SKAP1: variants seen among roughly 807,000 people sequenced by gnomAD.
The protein encoded by SKAP1 is src kinase-associated phosphoprotein 1.
A neutral mutation model predicts 58.5 loss-of-function variants in SKAP1; 44 were observed. The observed-to-expected ratio is 0.75, with a 90% CI of 0.59 to 0.97. The LOEUF is 0.97. Ranked by LOEUF, SKAP1 falls within the 50% of genes least tolerant of loss-of-function variation. The probability of loss-of-function intolerance (pLI) is 0.00; values close to 1 mark genes in which losing one functional copy is unlikely to be tolerated. For synonymous variants in SKAP1, 127 were observed against 149.7 expected (o/e 0.85, Z 1.11); for missense variants, 390 against 435.2 (o/e 0.90, Z 0.92).
At chr17:48,426,358 G>T (rs947323507) in intron 1 of SKAP1, among the ~76,000 whole-genome samples, 5 of 152,212 alleles carry the variant, frequency 3.3e-5, no homozygotes, top group African/African-American at 1.2e-4. Flanking sequence ...CATGTAGGCA[G>T]TTGGGACCTA....
chr17:48,375,325 CCCA>C (rs56252851), intron 2 of SKAP1, among the ~76,000 whole-genome samples: 32,073 of 151,872 alleles, frequency 0.21, 3,364 homozygotes, highest in Admixed American at 0.22. Flanking sequence ...CACCTGCTCC[CCCA>C]CCACAATTTT....
chr17:48,306,273 A>AT (rs939153838), intron 4 of SKAP1, among the ~76,000 whole-genome samples: 10 of 151,922 alleles, frequency 6.6e-5, no homozygotes, highest in African/African-American at 2.4e-4. Flanking sequence ...TTCTCTGGTC[A>AT]TTTTTTTTCT....
intron 11 of SKAP1, among the ~76,000 whole-genome samples, chr17:48,138,236 G>T (rs558064978): frequency 4.6e-5 from 7 of 151,182 alleles, no homozygotes; most frequent in East Asian, 2.0e-4. Context: ...ACGGAGTCTC[G>T]CACTGTCGCC....
chr17:48,340,121 A>G (rs182072186), intron 4 of SKAP1, among the ~76,000 whole-genome samples: 5 of 152,304 alleles, frequency 3.3e-5, no homozygotes, highest in African/African-American at 9.6e-5. Flanking sequence ...TGGAGGTTGC[A>G]GTGGGCTGAG....
At chr17:48,140,222 A>G (rs2063751749) in intron 11 of SKAP1, among the ~76,000 whole-genome samples, 1 of 152,198 alleles carries the variant, frequency 6.6e-6, no homozygotes, top group South Asian at 2.1e-4. Flanking sequence ...GCATTGCTCA[A>G]ATTCCCTGAG....
chr17:48,346,623 T>TAA (rs113152631), intron 3 of SKAP1, among the ~76,000 whole-genome samples: 4 of 144,440 alleles, frequency 2.8e-5, no homozygotes, highest in African/African-American at 1.0e-4. Flanking sequence ...AGACTCCATC[T>TAA]AAAAAAAAAA....
Position 48,296,626 on chromosome 17 carries a change from G to A in SKAP1, c.280+49279C>T, listed in dbSNP as rs550071743. Among the ~76,000 whole-genome samples the A allele has an allele frequency of 2.6e-5, 4 of 152,192 alleles. No individual in the cohort carries two copies. The East Asian group carries it at 7.7e-4, about 29-fold the overall frequency. ...TAGCATTTGAACTATTCAGTTAAGT[G>A]GTAAGTTTTTGTTCAAATCCTGCTG... is the stretch of plus-strand genomic sequence containing the variant. On this transcript the variant is annotated intron_variant, in intron 4 of 12. Coordinates refer to ENST00000336915, the MANE Select transcript of SKAP1 (RefSeq NM_003726.4).
intron 1 of SKAP1, among the ~76,000 whole-genome samples, chr17:48,402,086 C>T (rs1173670053): frequency 6.6e-6 from 1 of 152,118 alleles, no homozygotes; most frequent in Non-Finnish European, 1.5e-5. Flanking sequence ...ACTTCACACC[C>T]ACTAGAATGG....
chr17:48,293,361 T>A (rs2065922710), intron 4 of SKAP1, among the ~76,000 whole-genome samples: 1 of 152,232 alleles, frequency 6.6e-6, no homozygotes, highest in African/African-American at 2.4e-5. Flanking sequence ...TTATCAGGAA[T>A]AATACATGTG....
rs1478109397 is a variant in SKAP1 at position 48,363,828 on chromosome 17, G to A, written c.153-14C>T. ...TCCCAATAGTACCTGAAATACAAGGGGGAAAAAAAAAGGGAATAAGTCAAA... is the reference window on the plus strand; with the variant it reads ...TCCCAATAGTACCTGAAATACAAGGAGGAAAAAAAAAGGGAATAAGTCAAA... On this transcript the variant is annotated splice_polypyrimidine_tract_variant and intron_variant, in intron 2 of 12. Transcript: ENST00000336915. The A allele has an allele frequency of 6.3e-7, 1 of 1,599,432 alleles. No individual in the cohort carries two copies.
At chr17:48,412,542 T>C (rs1480440872) in intron 1 of SKAP1, among the ~76,000 whole-genome samples, 3 of 152,184 alleles carry the variant, frequency 2.0e-5, no homozygotes, top group African/African-American at 7.2e-5. Context: ...AGCCCCCTGG[T>C]CAGAGATCAA....
At chr17:48,231,561 C>A (rs1209504278) in intron 4 of SKAP1, among the ~76,000 whole-genome samples, 1 of 150,956 alleles carries the variant, frequency 6.6e-6, no homozygotes, top group Non-Finnish European at 1.5e-5. Context: ...AAAAAGAAAG[C>A]AAGGAATTTT....
At chr17:48,417,020 A>G (rs542654837) in intron 1 of SKAP1, among the ~76,000 whole-genome samples, 1 of 152,242 alleles carries the variant, frequency 6.6e-6, no homozygotes, top group Non-Finnish European at 1.5e-5. Flanking sequence ...TTTTAAACTT[A>G]CCTAAAACTT....
At chr17:48,150,772 G>A (rs1206648748) in intron 11 of SKAP1, among the ~76,000 whole-genome samples, 1 of 152,206 alleles carries the variant, frequency 6.6e-6, no homozygotes, top group Non-Finnish European at 1.5e-5. Context: ...GCGTGTACAC[G>A]ACAACGGGTA....
intron 2 of SKAP1, among the ~76,000 whole-genome samples, chr17:48,370,538 A>G (rs572798855): frequency 2.6e-5 from 4 of 152,264 alleles, no homozygotes; most frequent in Admixed American, 6.5e-5. Context: ...TGCTGAGCTC[A>G]AGCCCGCCTC....
chr17:48,297,920 G>C (rs935351725), intron 4 of SKAP1, among the ~76,000 whole-genome samples: 1 of 152,088 alleles, frequency 6.6e-6, no homozygotes, highest in East Asian at 1.9e-4. Flanking sequence ...TAATATAAGC[G>C]GGAAAAGGTC....
intron 1 of SKAP1, among the ~76,000 whole-genome samples, chr17:48,429,516 G>A (rs974338534): frequency 1.3e-5 from 2 of 152,202 alleles, no homozygotes; most frequent in African/African-American, 2.4e-5. Flanking sequence ...GCCTTGGGGT[G>A]GGTGAGACCC....
chr17:48,151,030 C>T (rs2063896835), intron 11 of SKAP1, among the ~76,000 whole-genome samples: 3 of 150,490 alleles, frequency 2.0e-5, no homozygotes. Flanking sequence ...AACAATCACA[C>T]TAACCTCCCT....
At chr17:48,317,235 T>C (rs1380334506) in intron 4 of SKAP1, among the ~76,000 whole-genome samples, 1 of 152,162 alleles carries the variant, frequency 6.6e-6, no homozygotes, top group Non-Finnish European at 1.5e-5. Context: ...CAATCCCTTG[T>C]ATGATAATTG....
Sources: gnomAD v4.1 joint callset for allele counts (sites outside exome capture counted in the v4.1 genomes callset) on GRCh38, gnomAD v4.1.1 for gene constraint, MANE v1.5 for transcripts, NCBI Gene and HGNC (gene_info 2026-07-23, HGNC 2026-07-21) for gene names.